The following NDUFV2 variants were observed in gnomAD, a reference collection of about 807,000 sequenced individuals.
NDUFV2 encodes NADH dehydrogenase [ubiquinone] flavoprotein 2, mitochondrial.
Under a neutral mutation model 31.6 loss-of-function variants are expected in NDUFV2, and 18 were observed. That is an observed-to-expected ratio of 0.57 (90% CI 0.39 to 0.84). The LOEUF is 0.84. NDUFV2 is among the 40% of genes least tolerant of loss of function. The pLI is 0.00. For synonymous variants in NDUFV2, 83 were observed against 99.8 expected, an observed-to-expected ratio of 0.83 and a Z score of 1.01; for missense variants, 314 against 303.6, an observed-to-expected ratio of 1.03 and a Z score of -0.26.
chr18:9,119,752 A>G (rs980834459), intron 4 of NDUFV2, among the ~76,000 whole-genome samples, 162 bp downstream of exon 4: 1 of 151,892 alleles, frequency 6.6e-6, no homozygotes, highest in African/African-American at 2.4e-5. Context: ...GTTTTTGTTC[A>G]TTCCCTTAAT....
chr18:9,120,229 T>TTA (rs1272870447), intron 4 of NDUFV2, among the ~76,000 whole-genome samples: 1 of 152,184 alleles, frequency 6.6e-6, no homozygotes, highest in Non-Finnish European at 1.5e-5. Context: ...AGCATATCAT[T>TTA]TATAAAGTGC....
chr18:9,109,955 G>T, intron 1 of NDUFV2, among the ~76,000 whole-genome samples: 1 of 152,068 alleles, frequency 6.6e-6, no homozygotes, highest in East Asian at 1.9e-4. Context: ...TGTATATTAG[G>T]TTATGATCTT....
At chr18:9,124,721 T>A (rs893367436) in intron 5 of NDUFV2, among the ~76,000 whole-genome samples, 153 bp from the exon 6 acceptor site, 8 of 152,116 alleles carry the variant, frequency 5.3e-5, no homozygotes, top group African/African-American at 1.9e-4. Context: ...GTGCTGGGAT[T>A]ACAGGCGTGA....
intron 1 of NDUFV2, chr18:9,103,898 T>G (rs907752879): frequency 4.8e-6 from 2 of 416,166 alleles, no homozygotes; most frequent in Non-Finnish European, 8.6e-6. Flanking sequence ...CCGAGTTAAA[T>G]ATCTACATTC....
intron 4 of NDUFV2, 121 bp downstream of exon 4, chr18:9,119,711 C>G (rs1405410740): frequency 2.4e-6 from 2 of 824,138 alleles, no homozygotes; most frequent in South Asian, 1.5e-5. Flanking sequence ...AGCCCTTTAG[C>G]CATTTGTATG....
chr18:9,130,891 G>A (rs1431072092), intron 7 of NDUFV2, among the ~76,000 whole-genome samples: 1 of 152,142 alleles, frequency 6.6e-6, no homozygotes, highest in Non-Finnish European at 1.5e-5. Flanking sequence ...TTGTATTATC[G>A]TTGGTGAATG....
chr18:9,110,477 A>C (rs1307235443), intron 1 of NDUFV2, among the ~76,000 whole-genome samples: 2 of 151,922 alleles, frequency 1.3e-5, no homozygotes, highest in Non-Finnish European at 2.9e-5. Context: ...GTTTATCTTC[A>C]CTATTTAGTT....
At chr18:9,110,937 TAGAAG>T (rs1568187419) in intron 1 of NDUFV2, among the ~76,000 whole-genome samples, 2 of 152,158 alleles carry the variant, frequency 1.3e-5, no homozygotes, top group Non-Finnish European at 2.9e-5. Context: ...TTTGCAGGAA[TAGAAG>T]AGAAGGGTGG....
At chr18:9,117,684 C>T in intron 1 of NDUFV2, 154 bp from the exon 2 acceptor site, 1 of 579,262 alleles carries the variant, frequency 1.7e-6, no homozygotes, top group East Asian at 2.9e-5. Flanking sequence ...AATAACTCTC[C>T]TGAAATAGAG....
intron 1 of NDUFV2, among the ~76,000 whole-genome samples, chr18:9,111,568 A>G (rs2077870251): frequency 6.6e-6 from 1 of 151,704 alleles, no homozygotes; most frequent in Non-Finnish European, 1.5e-5. Flanking sequence ...AGCTGGGATT[A>G]CAGGCACGTG....
chr18:9,116,657 G>C (rs61185854), intron 1 of NDUFV2, among the ~76,000 whole-genome samples: 1 of 152,198 alleles, frequency 6.6e-6, no homozygotes, highest in Non-Finnish European at 1.5e-5. Context: ...AATTAAAGCA[G>C]ATGTTCCATG....
chr18:9,103,399 T>A (rs2077825068), intron 1 of NDUFV2: 1 of 349,880 alleles, frequency 2.9e-6, no homozygotes, highest in South Asian at 1.5e-4. Context: ...TTTTAGAGAT[T>A]AAATGATCTT....
intron 1 of NDUFV2, among the ~76,000 whole-genome samples, chr18:9,110,882 A>ATTAAG (rs1246201787): frequency 6.6e-6 from 1 of 152,190 alleles, no homozygotes; most frequent in African/African-American, 2.4e-5. Flanking sequence ...GGACTTTGAA[A>ATTAAG]TTAAGTTGCT....
chr18:9,107,563 G>C (rs915293562), intron 1 of NDUFV2, among the ~76,000 whole-genome samples: 10 of 152,218 alleles, frequency 6.6e-5, no homozygotes, highest in African/African-American at 1.2e-4. Flanking sequence ...TTTTATGTGT[G>C]AGATATATGA....
intron 1 of NDUFV2, chr18:9,104,969 A>G (rs1204256001): frequency 7.1e-6 from 11 of 1,556,660 alleles, no homozygotes; most frequent in African/African-American, 2.7e-5. Context: ...TGTTTCTACA[A>G]AAATGGAAAG....
intron 1 of NDUFV2, among the ~76,000 whole-genome samples, chr18:9,112,982 T>G (rs2077879348): frequency 1.3e-5 from 2 of 152,188 alleles, no homozygotes; most frequent in Non-Finnish European, 2.9e-5. Flanking sequence ...CTTTCCACAT[T>G]CTAACACCTC....
chr18:9,123,769 G>T (rs2077961252), intron 5 of NDUFV2, among the ~76,000 whole-genome samples: 1 of 152,164 alleles, frequency 6.6e-6, no homozygotes, highest in South Asian at 2.1e-4. Context: ...GGGATCACAG[G>T]TGTGAGCCAC....
At chr18:9,117,631 G>T in intron 1 of NDUFV2, 1 of 513,086 alleles carries the variant, frequency 1.9e-6, no homozygotes, top group Non-Finnish European at 3.5e-6. Flanking sequence ...TCGTGTGTGT[G>T]ATGTTAGGTG....
intron 7 of NDUFV2, 32 bp from the exon 8 acceptor site, chr18:9,134,151 AATC>A: frequency 6.6e-7 from 1 of 1,511,704 alleles, no homozygotes. Flanking sequence ...TACAAATGTT[AATC>A]ATTAATAGTT....
Sources: gnomAD v4.1 joint callset for allele counts (sites outside exome capture counted in the v4.1 genomes callset) on GRCh38, gnomAD v4.1.1 for gene constraint, MANE v1.5 for transcripts, NCBI Gene and HGNC (gene_info 2026-07-23, HGNC 2026-07-21) for gene names.